Variants in CD8B observed in about 807,000 individuals in gnomAD.
The protein encoded by CD8B is T-cell surface glycoprotein CD8 beta chain.
A neutral mutation model predicts 24.2 loss-of-function variants in CD8B; 6 were observed. That is an observed-to-expected ratio of 0.25 (90% CI 0.14 to 0.49). The LOEUF (loss-of-function observed/expected upper bound fraction) is 0.49. Among genes scored for constraint, CD8B ranks in the 20% least tolerant of loss-of-function variants. The probability of loss-of-function intolerance (pLI) is 0.98; values close to 1 mark genes in which losing one functional copy is unlikely to be tolerated. For missense variants in CD8B, 196 were observed against 271.3 expected (o/e 0.72, Z 1.95); for synonymous variants, 84 against 108.3 (o/e 0.78, Z 1.39).
chr2:86,830,051 A>G (rs978953628), intron 5 of CD8B, among the ~76,000 whole-genome samples: 1 of 152,100 alleles, frequency 6.6e-6, no homozygotes, highest in Non-Finnish European at 1.5e-5. Context: ...ACTGGTAGAT[A>G]TGTAGTTTTT....
At chr2:86,827,960 A>G (rs1038554006) in intron 5 of CD8B, among the ~76,000 whole-genome samples, 1 of 152,044 alleles carries the variant, frequency 6.6e-6, no homozygotes, top group Non-Finnish European at 1.5e-5. Flanking sequence ...GTGCTGGGGG[A>G]TGGGGCAAGG....
At chr2:86,861,371 C>T (rs532652102) in intron 1 of CD8B, among the ~76,000 whole-genome samples, 1 of 152,186 alleles carries the variant, frequency 6.6e-6, no homozygotes, top group African/African-American at 2.4e-5. Context: ...ACTGAGAACG[C>T]CCGATGTTTG....
chr2:86,831,893 C>T (rs1321250086), intron 5 of CD8B, among the ~76,000 whole-genome samples: 1 of 152,098 alleles, frequency 6.6e-6, no homozygotes, highest in Non-Finnish European at 1.5e-5. Context: ...CAAAATGAAA[C>T]AAAACAGTGA....
At chr2:86,823,644 A>T (rs568019273) in intron 5 of CD8B, among the ~76,000 whole-genome samples, 210 of 152,284 alleles carry the variant, frequency 1.4e-3, no homozygotes, top group Middle Eastern at 6.8e-3. Flanking sequence ...TTCATTGTAA[A>T]CATAATGTTC....
intron 2 of CD8B, among the ~76,000 whole-genome samples, chr2:86,854,615 G>A (rs1007900955): frequency 7.9e-5 from 12 of 152,092 alleles, no homozygotes; most frequent in Non-Finnish European, 4.4e-5. Context: ...CAGTGGGCCA[G>A]CACCCAGAGC....
At position 86,841,545 on chromosome 2, in the gene CD8B, G is replaced by A; in HGVS notation, c.*762C>T. 3.1e-6 allele frequency: 3 copies of A among 981,290 alleles called. No homozygotes were observed. Among genetic ancestry groups the A allele is most frequent in the Non-Finnish European group, 3.6e-6 (3 of 826,232 alleles). The allele number at this position is 981,290 out of a possible 1,614,324, so 60.8% of individuals were successfully genotyped here. A position where few individuals can be genotyped will look rare whatever the true frequency, so the allele number is the denominator to read the frequency against. On this transcript the variant is annotated 3_prime_UTR_variant, in exon 6 of 6. Coordinates refer to ENST00000390655, the MANE Select transcript of CD8B (RefSeq NM_004931.5). ...TCCACGGAGCACTGATGTCTTTGCT[G>A]TAGATGGGCTTTCGCACGTTTATGT...
intron 5 of CD8B, among the ~76,000 whole-genome samples, chr2:86,827,743 C>T (rs992442300): frequency 6.6e-6 from 1 of 152,086 alleles, no homozygotes; most frequent in Non-Finnish European, 1.5e-5. Context: ...ACATAGAGAT[C>T]TACAGCTCTG....
intron 3 of CD8B, among the ~76,000 whole-genome samples, chr2:86,851,907 C>G (rs1344465055): frequency 6.6e-6 from 1 of 152,170 alleles, no homozygotes; most frequent in Non-Finnish European, 1.5e-5. Context: ...TGTTCATTTG[C>G]AAACAAACAT....
intron 5 of CD8B, among the ~76,000 whole-genome samples, chr2:86,825,673 G>A (rs1674651475): frequency 6.6e-6 from 1 of 152,156 alleles, no homozygotes; most frequent in Admixed American, 6.5e-5. Flanking sequence ...ACACCTCTCC[G>A]AAGAAGCCAA....
intron 2 of CD8B, among the ~76,000 whole-genome samples, chr2:86,857,675 G>A (rs1464828518): frequency 2.0e-5 from 3 of 152,146 alleles, no homozygotes; most frequent in East Asian, 3.9e-4. Context: ...AGCCAAGATC[G>A]CACCACTGCA....
At chr2:86,848,009 T>C (rs1675771133) in intron 3 of CD8B, among the ~76,000 whole-genome samples, 1 of 152,242 alleles carries the variant, frequency 6.6e-6, no homozygotes. Context: ...TCTGACAGCA[T>C]GGATGTACCA....
chr2:86,826,614 C>G (rs1331037283), intron 5 of CD8B, among the ~76,000 whole-genome samples: 2 of 152,088 alleles, frequency 1.3e-5, no homozygotes, highest in African/African-American at 4.8e-5. Context: ...CCTTACTGTG[C>G]CGCTGCTGGG....
At chr2:86,820,447 C>T (rs1674420640) in intron 5 of CD8B, among the ~76,000 whole-genome samples, 1 of 152,164 alleles carries the variant, frequency 6.6e-6, no homozygotes, top group African/African-American at 2.4e-5. Context: ...GGCAAGATGC[C>T]CTCCATCAGC....
chr2:86,816,336 G>A (rs1674243119), intron 5 of CD8B, among the ~76,000 whole-genome samples: 1 of 152,176 alleles, frequency 6.6e-6, no homozygotes, highest in South Asian at 2.1e-4. Flanking sequence ...TGGACATGAA[G>A]ACTCAACTTC....
At chr2:86,853,448 A>AAATAAATG (rs1216719987) in intron 2 of CD8B, among the ~76,000 whole-genome samples, 2 of 152,056 alleles carry the variant, frequency 1.3e-5, no homozygotes, top group Admixed American at 1.3e-4. Flanking sequence ...TCTCAAGAGC[A>AAATAAATG]AATAAATGAA....
chr2:86,815,480 C>G (rs1674196880), downstream of CD8B: 2 of 701,232 alleles, frequency 2.9e-6, no homozygotes, highest in Non-Finnish European at 5.2e-6. Context: ...AACTTGAGCC[C>G]CCTATGACTT....
At chr2:86,852,352 G>T (rs1456226968) in intron 3 of CD8B, among the ~76,000 whole-genome samples, 1 of 152,188 alleles carries the variant, frequency 6.6e-6, no homozygotes, top group African/African-American at 2.4e-5. Flanking sequence ...TACGTATAAA[G>T]TCCCCTTGTT....
At chr2:86,861,459 C>T (rs534222532) in intron 1 of CD8B, among the ~76,000 whole-genome samples, 1 of 152,240 alleles carries the variant, frequency 6.6e-6, no homozygotes, top group African/African-American at 2.4e-5. Flanking sequence ...AACCTTCCTC[C>T]GAGCACATCC....
downstream of CD8B, among the ~76,000 whole-genome samples, chr2:86,835,315 C>G (rs1675133080): frequency 4.6e-5 from 7 of 152,220 alleles, no homozygotes; most frequent in Admixed American, 4.6e-4. Context: ...GTGGAAGCCA[C>G]CCTACCTCCC....
Sources: allele counts gnomAD v4.1 joint callset (sites outside exome capture counted in the v4.1 genomes callset), GRCh38; gene constraint gnomAD v4.1.1; transcripts MANE v1.5; gene names NCBI Gene and HGNC (gene_info 2026-07-23, HGNC 2026-07-21).